The following CMIP variants were observed in gnomAD, a reference collection of about 807,000 sequenced individuals.
CMIP encodes C-Maf-inducing protein.
CMIP carries 13 observed loss-of-function variants against 97.3 expected under a neutral mutation model. That is an observed-to-expected ratio of 0.13 (90% confidence interval 0.09 to 0.21). The LOEUF (loss-of-function observed/expected upper bound fraction) is 0.21. Among genes scored for constraint, CMIP ranks in the 10% least tolerant of loss-of-function variants. The pLI is 1.00. For synonymous variants in CMIP, 538 were observed against 436.3 expected, an observed-to-expected ratio of 1.23 and a Z score of -2.91; for missense variants, 847 against 1,024.9, an observed-to-expected ratio of 0.83 and a Z score of 2.37.
At chr16:81,559,237 G>A (rs1165958995) in intron 1 of CMIP, among the ~76,000 whole-genome samples, 2 of 152,174 alleles carry the variant, frequency 1.3e-5, no homozygotes, top group African/African-American at 2.4e-5. Context: ...CCCCGAACAT[G>A]GCCTAGGTGG....
At chr16:81,467,652 C>G (rs543593195) in intron 1 of CMIP, among the ~76,000 whole-genome samples, 1 of 150,624 alleles carries the variant, frequency 6.6e-6, no homozygotes, top group Non-Finnish European at 1.5e-5. Flanking sequence ...ATGATCTTGG[C>G]TCACTACAAC....
At chr16:81,545,277 C>T (rs188078621) in intron 1 of CMIP, among the ~76,000 whole-genome samples, 8 of 152,304 alleles carry the variant, frequency 5.3e-5, no homozygotes, top group Admixed American at 2.0e-4. Context: ...GGATTTGCTG[C>T]GCTTCTAGAG....
intron 3 of CMIP, among the ~76,000 whole-genome samples, chr16:81,649,631 G>A (rs1005537925): frequency 4.6e-5 from 7 of 152,250 alleles, no homozygotes; most frequent in Non-Finnish European, 8.8e-5. Context: ...TTTCAGTACA[G>A]TTTAGATTTT....
intron 3 of CMIP, among the ~76,000 whole-genome samples, chr16:81,643,144 T>C (rs2092325708): frequency 6.6e-6 from 1 of 152,202 alleles, no homozygotes; most frequent in Admixed American, 6.5e-5. Flanking sequence ...TCTCCTCTCC[T>C]CTGTAACACG....
intron 1 of CMIP, among the ~76,000 whole-genome samples, chr16:81,479,821 C>G (rs1908151440): frequency 6.6e-6 from 1 of 152,198 alleles, no homozygotes; most frequent in Non-Finnish European, 1.5e-5. Flanking sequence ...TGAAAACCAA[C>G]ATATGACTTT....
At chr16:81,555,781 C>T (rs147890716) in intron 1 of CMIP, among the ~76,000 whole-genome samples, 1 of 152,190 alleles carries the variant, frequency 6.6e-6, no homozygotes, top group Non-Finnish European at 1.5e-5. Context: ...CCCCTCCGGG[C>T]TGGTTATTGC....
Position 81,445,681 on chromosome 16 carries a change from G to A in CMIP, c.300+140G>A, listed in dbSNP as rs34085853. On this transcript the variant is annotated intron_variant, in intron 1 of 20. Coordinates refer to ENST00000537098, the MANE Select transcript of CMIP (RefSeq NM_198390.3). ...TGCCGGGGGAACGGGGAGAACCAGGGCGCCTCGCTCCTGGCCTGCTCGCGG... is the reference window on the plus strand; with the variant it reads ...TGCCGGGGGAACGGGGAGAACCAGGACGCCTCGCTCCTGGCCTGCTCGCGG... 262 of 989,820 alleles carry A rather than the reference G, an allele frequency of 2.6e-4. 3 individuals are homozygous for A. The South Asian group carries it at 4.3e-3, about 16-fold the overall frequency. The allele number at this position is 989,820 out of a possible 1,614,324, so 61.3% of individuals were successfully genotyped here. A position where few individuals can be genotyped will look rare whatever the true frequency, so the allele number is the denominator to read the frequency against.
intron 13 of CMIP, among the ~76,000 whole-genome samples, chr16:81,694,299 C>A (rs4421970): frequency 0.14 from 21,681 of 152,124 alleles, 1,620 homozygotes; most frequent in African/African-American, 0.17. Context: ...GCCCTAACTC[C>A]CAGTTGAGGA....
At chr16:81,504,211 A>G (rs2089662867) in intron 1 of CMIP, among the ~76,000 whole-genome samples, 2 of 152,078 alleles carry the variant, frequency 1.3e-5, no homozygotes, top group African/African-American at 4.8e-5. Context: ...CAGTAATCCC[A>G]AGTACTTGGG....
chr16:81,685,120 G>A (rs960934532), intron 10 of CMIP, among the ~76,000 whole-genome samples: 5 of 152,158 alleles, frequency 3.3e-5, no homozygotes, highest in Non-Finnish European at 5.9e-5. Context: ...TCTGTCCAGC[G>A]CCCCCCATTC....
intron 6 of CMIP, among the ~76,000 whole-genome samples, chr16:81,663,903 C>T (rs2092574938): frequency 6.6e-6 from 1 of 152,126 alleles, no homozygotes; most frequent in African/African-American, 2.4e-5. Flanking sequence ...TGTCTCTCCA[C>T]CAGGATTCCT....
chr16:81,561,863 C>T (rs1174781537), intron 1 of CMIP, among the ~76,000 whole-genome samples: 3 of 152,210 alleles, frequency 2.0e-5, no homozygotes, highest in African/African-American at 7.2e-5. Flanking sequence ...AGCCCAGATA[C>T]AGAACATTTC....
At chr16:81,703,156 C>T (rs184108798) in intron 17 of CMIP, among the ~76,000 whole-genome samples, 16 of 152,272 alleles carry the variant, frequency 1.1e-4, no homozygotes, top group African/African-American at 3.9e-4. Context: ...TGTCTCCATT[C>T]CAGCCAGCAG....
intron 1 of CMIP, among the ~76,000 whole-genome samples, chr16:81,470,641 A>G (rs1343039172): frequency 6.6e-6 from 1 of 152,240 alleles, no homozygotes; most frequent in Non-Finnish European, 1.5e-5. Flanking sequence ...TAAAAAGATT[A>G]TAAATGAGAT....
intron 1 of CMIP, among the ~76,000 whole-genome samples, chr16:81,454,282 A>G (rs1906413279): frequency 6.6e-6 from 1 of 152,166 alleles, no homozygotes; most frequent in South Asian, 2.1e-4. Context: ...GTTTATTCCC[A>G]TTTTACAGAT....
intron 3 of CMIP, among the ~76,000 whole-genome samples, chr16:81,649,011 T>C (rs1159130737): frequency 2.0e-5 from 3 of 152,006 alleles, no homozygotes; most frequent in African/African-American, 7.3e-5. Context: ...TTCCCCACTC[T>C]CCCCACCAGT....
intron 5 of CMIP, 117 bp from the exon 6 acceptor site, chr16:81,660,767 C>A: frequency 9.6e-7 from 1 of 1,037,094 alleles, no homozygotes; most frequent in Non-Finnish European, 1.5e-6. Context: ...TGATGTGATG[C>A]AGGATGTGTT....
At chr16:81,597,809 A>G (rs1455456879) in intron 1 of CMIP, among the ~76,000 whole-genome samples, 1 of 152,098 alleles carries the variant, frequency 6.6e-6, no homozygotes, top group East Asian at 1.9e-4. Flanking sequence ...ACTCAAGGAC[A>G]CAGATTTCTG....
rs528980980 is a variant in CMIP, at chr16:81,664,124, A to T, written c.745-145A>T. The T allele has an allele frequency of 1.5e-4, 98 of 665,860 alleles. No homozygotes were observed. The South Asian group carries it at 2.2e-3, about 15-fold the overall frequency. The allele number at this position is 665,860 out of a possible 1,614,324, so 41.2% of individuals were successfully genotyped here. ...ACTGGCCCCCCTCCAAAATAAACTCATTTTTAGAAAGCAGTGCAGCCGTGT... is the reference window on the plus strand; with the variant it reads ...ACTGGCCCCCCTCCAAAATAAACTCTTTTTTAGAAAGCAGTGCAGCCGTGT... On this transcript the variant is annotated intron_variant, in intron 6 of 20. Coordinates refer to ENST00000537098, the MANE Select transcript of CMIP (RefSeq NM_198390.3).
Sources: gnomAD v4.1 joint callset for allele counts (sites outside exome capture counted in the v4.1 genomes callset) on GRCh38, gnomAD v4.1.1 for gene constraint, MANE v1.5 for transcripts, NCBI Gene and HGNC (gene_info 2026-07-23, HGNC 2026-07-21) for gene names.